The following SQSTM1 variants were observed in gnomAD, a reference collection of about 807,000 sequenced individuals.
SQSTM1 encodes sequestosome-1.
In SQSTM1, 36 loss-of-function variants were observed where a neutral mutation model predicts 45.1. The observed-to-expected ratio is 0.80, with a 90% CI of 0.61 to 1.05. The LOEUF (loss-of-function observed/expected upper bound fraction) is 1.05. SQSTM1 is among the 50% of genes least tolerant of loss of function. SQSTM1 has a pLI of 0.00. For missense variants in SQSTM1, 617 were observed against 607.1 expected (o/e 1.02, Z -0.17); for synonymous variants, 290 against 244.3 (o/e 1.19, Z -1.74).
chr5:179,817,750 CT>C (rs547747890), upstream of SQSTM1, among the ~76,000 whole-genome samples: 5 of 152,296 alleles, frequency 3.3e-5, no homozygotes, highest in South Asian at 1.0e-3. Flanking sequence ...TGGCTCACGC[CT>C]GCAGTCCCAG....
At chr5:179,816,280 C>G (rs1396551669), upstream of SQSTM1, among the ~76,000 whole-genome samples, 1 of 152,214 alleles carries the variant, frequency 6.6e-6, no homozygotes, top group African/African-American at 2.4e-5. Flanking sequence ...TCCCGACTAG[C>G]TGGGACTACA....
intron 5 of SQSTM1, among the ~76,000 whole-genome samples, chr5:179,826,992 G>C (rs1345954043): frequency 6.6e-6 from 1 of 152,190 alleles, no homozygotes; most frequent in Non-Finnish European, 1.5e-5. Context: ...ACGTAGTAAA[G>C]GTCTGAGAGA....
rs1461269210 is a variant in SQSTM1, at chr5:179,838,064, C to T, written c.*1471C>T. 3 of 615,994 alleles carry T rather than the reference C, an allele frequency of 4.9e-6. No individual in the cohort carries two copies. Among genetic ancestry groups the T allele is most frequent in the Non-Finnish European group, 8.5e-6 (3 of 352,802 alleles). 38.2% of individuals were successfully genotyped at this position (615,994 alleles called of 1,614,324 possible). A position where few individuals can be genotyped will look rare whatever the true frequency, so the allele number is the denominator to read the frequency against. On this transcript the variant is annotated 3_prime_UTR_variant, in exon 8 of 8. Coordinates refer to ENST00000389805, the MANE Select transcript of SQSTM1 (RefSeq NM_003900.5). ...GCAAGACAAAGCAAATAAATGCCTT[C>T]CACCTCACCGCAAACCTTCTGCTAA...
chr5:179,827,721 C>T (rs956130462), intron 5 of SQSTM1, among the ~76,000 whole-genome samples: 2 of 152,182 alleles, frequency 1.3e-5, no homozygotes, highest in Admixed American at 1.3e-4. Context: ...CTGAGGAGAG[C>T]CAGTGGAGGA....
Position 179,821,111 on chromosome 5 carries a change from C to T in SQSTM1, c.175C>T (p.Arg59Trp). 1.4e-6 allele frequency: 2 copies of T among 1,387,590 alleles called. No homozygotes were observed. Among genetic ancestry groups the T allele is most frequent in the South Asian group, 1.6e-5 (1 of 63,050 alleles). The allele number at this position is 1,387,590 out of a possible 1,614,324, so 86.0% of individuals were successfully genotyped here. A position where few individuals can be genotyped will look rare whatever the true frequency, so the allele number is the denominator to read the frequency against. Residue 59 changes from arginine to tryptophan, a missense_variant, in exon 1 of 8, where the codon CGG becomes TGG. Transcript: ENST00000389805. ...SRVAALFPAL[R>W]PGGFQAHYRD... ...GGTGGCCGCCCTGTTCCCCGCGCTG[C>T]GGCCTGGCGGCTTCCAGGCGCACTA...
At position 179,833,026 on chromosome 5, in the gene SQSTM1, C is replaced by T. The variant is rs1267897730; in HGVS notation, c.755-6C>T. 2 of 1,614,074 alleles carry T rather than the reference C, an allele frequency of 1.2e-6. No homozygotes were observed. Among genetic ancestry groups the T allele is most frequent in the Non-Finnish European group, 8.5e-7 (1 of 1,180,026 alleles). The stretch of plus-strand genomic sequence containing the variant: ...CACGGCTTGCTCTTTCCTCCTCCGC[C>T]TCTAGGCATTGAAGTTGATATCGAT... On this transcript the variant is annotated splice_region_variant and splice_polypyrimidine_tract_variant and intron_variant, in intron 5 of 7. Transcript: ENST00000389805.
chr5:179,819,619 C>T (rs913411654), upstream of SQSTM1, among the ~76,000 whole-genome samples: 1 of 152,234 alleles, frequency 6.6e-6, no homozygotes, highest in Non-Finnish European at 1.5e-5. Context: ...TGTCTGTAGG[C>T]CACAGCCTCT....
upstream of SQSTM1, among the ~76,000 whole-genome samples, chr5:179,818,376 C>T (rs538662119): frequency 6.6e-6 from 1 of 152,336 alleles, no homozygotes; most frequent in African/African-American, 2.4e-5. Flanking sequence ...AGCAGTGCGG[C>T]CTGAATCCCT....
At chr5:179,816,683 C>T (rs1757589706), upstream of SQSTM1, among the ~76,000 whole-genome samples, 1 of 152,250 alleles carries the variant, frequency 6.6e-6, no homozygotes, top group Non-Finnish European at 1.5e-5. Context: ...CCCACAGTCC[C>T]CCCAGGCGCC....
intron 5 of SQSTM1, among the ~76,000 whole-genome samples, chr5:179,830,900 G>A (rs1016179668): frequency 1.3e-5 from 2 of 152,016 alleles, no homozygotes; most frequent in African/African-American, 4.8e-5. Flanking sequence ...ATGGGGTCTT[G>A]CCATGCTGCC....
At chr5:179,822,149 A>G (rs1002959887) in intron 1 of SQSTM1, among the ~76,000 whole-genome samples, 2 of 152,194 alleles carry the variant, frequency 1.3e-5, no homozygotes, top group South Asian at 2.1e-4. Context: ...TTCTGTATCT[A>G]TTCATCTTGC....
intron 5 of SQSTM1, among the ~76,000 whole-genome samples, chr5:179,830,122 C>G (rs1032716265): frequency 2.2e-5 from 2 of 92,394 alleles, no homozygotes; most frequent in African/African-American, 1.1e-4. Flanking sequence ...CAAAACAAAA[C>G]AAAACAAAAC....
intron 4 of SQSTM1, 113 bp downstream of exon 4, chr5:179,824,436 C>T (rs759186647): frequency 1.9e-5 from 28 of 1,461,364 alleles, no homozygotes; most frequent in Non-Finnish European, 2.4e-5. Context: ...TACCCCCCAC[C>T]TTCCTGGTGC....
intron 5 of SQSTM1, among the ~76,000 whole-genome samples, chr5:179,830,108 C>CA (rs1165336111): frequency 3.4e-5 from 5 of 145,422 alleles, no homozygotes; most frequent in African/African-American, 1.3e-4. Context: ...GACCTTGTCT[C>CA]AAACAAAACA....
chr5:179,822,992 C>T lies in SQSTM1; in HGVS notation c.240C>T (p.Asp80=), dbSNP rs148366738. The T allele has an allele frequency of 3.1e-5, 50 of 1,614,064 alleles. No individual in the cohort carries two copies. Among genetic ancestry groups the T allele is most frequent in the South Asian group, 7.7e-5 (7 of 91,084 alleles). ...EDGDLVAFSS[D]EELTMAMSYV... ...GGGACTTGGTTGCCTTTTCCAGTGA[C>T]GAGGAATTGACAATGGCCATGTCCT... The change falls in exon 2 of 8, where the codon GAC becomes GAT. Residue 80 remains aspartate, a synonymous_variant. Transcript: ENST00000389805.
rs377394017 is a variant in SQSTM1 at position 179,831,651 on chromosome 5, G to C, written c.755-1381G>C. The stretch of plus-strand genomic sequence containing the variant: ...TGCGCTCCAGCCTGGGCAACAGAGC[G>C]AGACTCTGTCTACAAAACAAAGGAA... On this transcript the variant is annotated intron_variant, in intron 5 of 7. Transcript: ENST00000389805. Among the ~76,000 whole-genome samples the C allele has an allele frequency of 2.0e-5, 3 of 152,234 alleles. No homozygotes were observed. In the East Asian group the frequency reaches 5.8e-4, roughly 30 times the overall value.
At position 179,837,699 on chromosome 5, in the gene SQSTM1, CAT is replaced by C. The variant is rs748732103; in HGVS notation, c.*1107_*1108del. On this transcript the variant is annotated 3_prime_UTR_variant, in exon 8 of 8. Coordinates refer to ENST00000389805, the MANE Select transcript of SQSTM1 (RefSeq NM_003900.5). ...AGAGACCTTGGCTGCTCACTGTCCA[CAT>C]GTGAACTTTTTCTAGGTGGCAGGAC... 5.0e-5 allele frequency: 80 copies of C among 1,614,136 alleles called. No homozygotes were observed. Among genetic ancestry groups the C allele is most frequent in the Non-Finnish European group, 6.5e-5 (77 of 1,180,056 alleles).
chr5:179,813,101 C>G (rs1217015182), intron 2 of SQSTM1: 1 of 151,962 alleles, frequency 6.6e-6, no homozygotes, highest in African/African-American at 2.4e-5. Flanking sequence ...GTTTGGAAGC[C>G]CTGCCCTAAA....
chr5:179,819,618 G>A (rs1757696953), upstream of SQSTM1, among the ~76,000 whole-genome samples: 1 of 152,216 alleles, frequency 6.6e-6, no homozygotes, highest in Non-Finnish European at 1.5e-5. Context: ...CTGTCTGTAG[G>A]CCACAGCCTC....
Sources: allele counts gnomAD v4.1 joint callset (sites outside exome capture counted in the v4.1 genomes callset), GRCh38; gene constraint gnomAD v4.1.1; transcripts MANE v1.5; gene names NCBI Gene and HGNC (gene_info 2026-07-23, HGNC 2026-07-21).